The following HPSE2 variants were observed in gnomAD, a reference collection of about 807,000 sequenced individuals.
HPSE2 encodes the protein heparanase 2 (inactive).
Under a neutral mutation model 60.5 loss-of-function variants are expected in HPSE2, and 38 were observed. The ratio of observed to expected loss-of-function variants is 0.63; its 90% confidence interval spans 0.48 to 0.82. The LOEUF is 0.82. Ranked by LOEUF, HPSE2 falls within the 40% of genes least tolerant of loss-of-function variation. The probability of loss-of-function intolerance (pLI) is 0.00; values close to 1 mark genes in which losing one functional copy is unlikely to be tolerated. For missense variants in HPSE2, 713 were observed against 740.4 expected, an observed-to-expected ratio of 0.96 and a Z score of 0.43; for synonymous variants, 295 against 293.2, an observed-to-expected ratio of 1.01 and a Z score of -0.06.
chr10:98,883,075 A>G (rs1484512770), intron 3 of HPSE2, among the ~76,000 whole-genome samples: 1 of 152,096 alleles, frequency 6.6e-6, no homozygotes, highest in Non-Finnish European at 1.5e-5. Flanking sequence ...CCATATGTTG[A>G]CCATCTTCCT....
chr10:99,161,502 A>G (rs1312108291), intron 2 of HPSE2, among the ~76,000 whole-genome samples: 3 of 152,206 alleles, frequency 2.0e-5, no homozygotes, highest in African/African-American at 7.2e-5. Context: ...TTTCTGGAGA[A>G]CGCATATCAA....
intron 9 of HPSE2, among the ~76,000 whole-genome samples, chr10:98,555,234 T>C (rs1266272863): frequency 6.6e-6 from 1 of 152,208 alleles, no homozygotes; most frequent in Non-Finnish European, 1.5e-5. Context: ...TGGGAATGAT[T>C]CAGCATTAGC....
At chr10:98,530,162 T>G (rs1943086175) in intron 9 of HPSE2, among the ~76,000 whole-genome samples, 1 of 152,168 alleles carries the variant, frequency 6.6e-6, no homozygotes, top group Non-Finnish European at 1.5e-5. Flanking sequence ...GACAGATGTA[T>G]GGAGGAGTGT....
intron 3 of HPSE2, among the ~76,000 whole-genome samples, chr10:99,071,755 A>G (rs1842797928): frequency 6.6e-6 from 1 of 152,206 alleles, no homozygotes; most frequent in African/African-American, 2.4e-5. Flanking sequence ...ACGTGTAAGA[A>G]AAGGGTCCAA....
At chr10:98,906,648 G>A (rs1037359321) in intron 3 of HPSE2, among the ~76,000 whole-genome samples, 1 of 152,166 alleles carries the variant, frequency 6.6e-6, no homozygotes, top group African/African-American at 2.4e-5. Context: ...GCTCACGCCT[G>A]TAATCCCAGC....
intron 2 of HPSE2, among the ~76,000 whole-genome samples, chr10:99,208,975 A>G (rs1019799613): frequency 6.6e-6 from 1 of 152,254 alleles, no homozygotes; most frequent in Non-Finnish European, 1.5e-5. Context: ...TCTGTGCAAC[A>G]AACATTGCAG....
chr10:98,464,955 C>A (rs1008981096), intron 11 of HPSE2, among the ~76,000 whole-genome samples: 1 of 152,166 alleles, frequency 6.6e-6, no homozygotes, highest in African/African-American at 2.4e-5. Flanking sequence ...TAAAAAAGAT[C>A]TATGCGACCA....
At chr10:98,767,000 G>T (rs1034292548) in intron 3 of HPSE2, among the ~76,000 whole-genome samples, 4 of 152,092 alleles carry the variant, frequency 2.6e-5, no homozygotes, top group Admixed American at 1.3e-4. Flanking sequence ...GACTACATAA[G>T]AAACAGCACA....
chr10:98,941,635 G>A lies in HPSE2; in HGVS notation c.611-197579C>T, dbSNP rs1371730747. Reference sequence around the variant, plus strand: ...CTCATGGATAGGAAGAATCAATATCGTGAAAATGGCCATACTGCCCAAGGT... The same window carrying A: ...CTCATGGATAGGAAGAATCAATATCATGAAAATGGCCATACTGCCCAAGGT... On this transcript the variant is annotated intron_variant, in intron 3 of 11. Coordinates refer to ENST00000370552, the MANE Select transcript of HPSE2 (RefSeq NM_021828.5). Among the ~76,000 whole-genome samples the A allele has an allele frequency of 5.2e-5, 7 of 135,650 alleles. 1 individual carries two copies. The highest frequency in any genetic ancestry group is 7.7e-5 in the Non-Finnish European group (5 of 64,678). The allele number at this position is 135,650 out of a possible 152,430, so 89.0% of individuals were successfully genotyped here. A position where few individuals can be genotyped will look rare whatever the true frequency, so the allele number is the denominator to read the frequency against.
At position 99,169,504 on chromosome 10, in the gene HPSE2, CAAAAAAAAAAAAAAAAAAAAAAAAAAAA is replaced by C. The variant is rs562946052; in HGVS notation, c.449-25133_449-25106del. 4.1e-3 allele frequency among the ~76,000 whole-genome samples: 223 copies of C among 54,728 alleles called. 4 individuals are homozygous for C. The highest frequency in any genetic ancestry group is 0.013 in the African/African-American group (208 of 16,340). 35.9% of individuals were successfully genotyped at this position (54,728 alleles called of 152,430 possible). ...TGGGTGACAGAGCAAGACTCCGTCTCAAAAAAAAAAAAAAAAAAAAAAAAAAAAAAAAAAAAAAAAAAAAAGTCCTGAC... is the reference window on the plus strand; with the variant it reads ...TGGGTGACAGAGCAAGACTCCGTCTCAAAAAAAAAAAAAAAAAGTCCTGAC... On this transcript the variant is annotated intron_variant, in intron 2 of 11. Transcript: ENST00000370552.
chr10:99,308,261 G>A, the HPSE2 span, among the ~76,000 whole-genome samples: 105 of 150,974 alleles, frequency 7.0e-4, no homozygotes, highest in African/African-American at 2.5e-3. Flanking sequence ...GGTGGCACAC[G>A]CCTGAAATCC....
the HPSE2 span, among the ~76,000 whole-genome samples, chr10:99,255,563 T>TACACACAC: frequency 2.0e-5 from 3 of 147,428 alleles, no homozygotes; most frequent in East Asian, 2.0e-4. Flanking sequence ...CATGCACACA[T>TACACACAC]ACACACACAC....
intron 2 of HPSE2, among the ~76,000 whole-genome samples, chr10:99,150,875 A>G (rs912651829): frequency 1.3e-5 from 2 of 152,206 alleles, no homozygotes; most frequent in Non-Finnish European, 2.9e-5. Flanking sequence ...GTGTTTATCA[A>G]TCCACAGAGA....
intron 3 of HPSE2, among the ~76,000 whole-genome samples, chr10:99,012,479 C>T (rs1279491804): frequency 6.6e-6 from 1 of 151,426 alleles, no homozygotes; most frequent in South Asian, 2.1e-4. Context: ...TTGGTTAATA[C>T]AATACAGAGA....
intron 3 of HPSE2, among the ~76,000 whole-genome samples, chr10:99,095,338 T>G (rs148023700): frequency 6.6e-6 from 1 of 152,354 alleles, no homozygotes; most frequent in East Asian, 1.9e-4. Context: ...AACATTCACT[T>G]TCACTGATAT....
chr10:98,777,312 T>C (rs543191350), intron 3 of HPSE2, among the ~76,000 whole-genome samples: 1 of 152,216 alleles, frequency 6.6e-6, no homozygotes, highest in Non-Finnish European at 1.5e-5. Context: ...TAGAAGTAGA[T>C]AGGTAGTTCA....
At chr10:98,753,374 A>G (rs1949803759) in intron 3 of HPSE2, among the ~76,000 whole-genome samples, 1 of 152,182 alleles carries the variant, frequency 6.6e-6, no homozygotes, top group African/African-American at 2.4e-5. Context: ...AAATTACCAT[A>G]TGATTCACAA....
chr10:98,566,164 C>T (rs369857748), intron 9 of HPSE2, among the ~76,000 whole-genome samples: 39 of 152,124 alleles, frequency 2.6e-4, no homozygotes, highest in African/African-American at 8.9e-4. Flanking sequence ...CCCTGTGAGG[C>T]GGTTAGTGAA....
chr10:98,502,224 G>C (rs1162738858), intron 9 of HPSE2, among the ~76,000 whole-genome samples: 1 of 152,104 alleles, frequency 6.6e-6, no homozygotes, highest in Non-Finnish European at 1.5e-5. Context: ...AACCAAAAAA[G>C]AGCCTGCATA....
Sources: gnomAD v4.1 joint callset for allele counts (sites outside exome capture counted in the v4.1 genomes callset) on GRCh38, gnomAD v4.1.1 for gene constraint, MANE v1.5 for transcripts, NCBI Gene and HGNC (gene_info 2026-07-23, HGNC 2026-07-21) for gene names.